The following BAZ2B variants were observed in gnomAD, a reference collection of about 807,000 sequenced individuals.
BAZ2B encodes the protein bromodomain adjacent to zinc finger domain protein 2B.
BAZ2B carries 91 observed loss-of-function variants against 246.0 expected under a neutral mutation model. The ratio of observed to expected loss-of-function variants is 0.37; its 90% CI spans 0.31 to 0.44. The LOEUF is 0.44. BAZ2B is among the 20% of genes least tolerant of loss of function. The probability of loss-of-function intolerance (pLI) is 1.00; values close to 1 mark genes in which losing one functional copy is unlikely to be tolerated. For synonymous variants in BAZ2B, 855 were observed against 860.0 expected (o/e 0.99, Z 0.10); for missense variants, 2,332 against 2,533.7 (o/e 0.92, Z 1.71).
intron 30 of BAZ2B, among the ~76,000 whole-genome samples, 191 bp from the exon 31 acceptor site, chr2:159,347,837 C>T (rs1426693109): frequency 2.0e-5 from 3 of 152,022 alleles, no homozygotes; most frequent in African/African-American, 7.2e-5. Context: ...AAACAATATG[C>T]TACGGGTGTA....
chr2:159,349,108 T>G lies in BAZ2B; in HGVS notation c.5036A>C (p.Glu1679Ala). Residue 1679 changes from glutamate to alanine, a missense_variant, in exon 29 of 37, where the codon GAA (glutamate) becomes GCA (alanine). This residue lies in a region of BAZ2B where 676 missense variants were observed against 668.6 expected (regional missense o/e 1.01). Transcript: ENST00000392783. ...CTTTTCATTCTGTGGTACTGGAGAT[T>G]CACTTTTACTTGAAGCAACATTGGA... Reference protein sequence around the residue: ...LTSNVASSKSESPVPQNEKAT... With the variant: ...LTSNVASSKSASPVPQNEKAT... 1 of 1,614,098 alleles carries G rather than the reference T, an allele frequency of 6.2e-7. No homozygotes were observed.
the BAZ2B span, among the ~76,000 whole-genome samples, chr2:159,657,554 T>G: frequency 6.6e-6 from 1 of 152,192 alleles, no homozygotes; most frequent in Non-Finnish European, 1.5e-5. Flanking sequence ...AGTTGGAAAG[T>G]GCTGACATCT....
chr2:159,696,867 C>A, the BAZ2B span, among the ~76,000 whole-genome samples: 1 of 152,138 alleles, frequency 6.6e-6, no homozygotes, highest in Admixed American at 6.5e-5. Flanking sequence ...CTCACTGCAA[C>A]CTCCACCTCC....
At chr2:159,402,047 T>C (rs1559278747) in intron 16 of BAZ2B, among the ~76,000 whole-genome samples, 1 of 152,220 alleles carries the variant, frequency 6.6e-6, no homozygotes. Context: ...TGCAGGATGA[T>C]GAAATTTTAG....
the BAZ2B span, among the ~76,000 whole-genome samples, chr2:159,690,752 A>G: frequency 1.3e-5 from 2 of 152,182 alleles, no homozygotes; most frequent in Non-Finnish European, 2.9e-5. Flanking sequence ...AAAACCAAGT[A>G]TATATGGCTA....
intron 35 of BAZ2B, among the ~76,000 whole-genome samples, 163 bp from the exon 36 acceptor site, chr2:159,325,117 T>TTATATA (rs1344829292): frequency 2.1e-3 from 7 of 3,398 alleles, no homozygotes; most frequent in African/African-American, 4.6e-3. Context: ...TATATATATT[T>TTATATA]TATATATATA....
chr2:159,416,062 T>C (rs527270654), intron 13 of BAZ2B, among the ~76,000 whole-genome samples: 1 of 152,274 alleles, frequency 6.6e-6, no homozygotes, highest in South Asian at 2.1e-4. Context: ...CTTGATGTTA[T>C]AAAGATGTTC....
the BAZ2B span, among the ~76,000 whole-genome samples, chr2:159,635,284 C>T: frequency 6.6e-6 from 1 of 152,106 alleles, no homozygotes; most frequent in Admixed American, 6.5e-5. Context: ...GTTAATTCTT[C>T]ACTTTTCAGC....
At chr2:159,632,546 A>T in the BAZ2B span, among the ~76,000 whole-genome samples, 1 of 152,230 alleles carries the variant, frequency 6.6e-6, no homozygotes, top group South Asian at 2.1e-4. Flanking sequence ...TGGCAAAGAA[A>T]CACCTATGTA....
chr2:159,599,393 CG>C (rs1691534314), intron 1 of BAZ2B, among the ~76,000 whole-genome samples: 1 of 151,642 alleles, frequency 6.6e-6, no homozygotes, highest in Admixed American at 6.6e-5. Flanking sequence ...CTGAGGCAGG[CG>C]GATTACCTGA....
intron 1 of BAZ2B, among the ~76,000 whole-genome samples, chr2:159,570,801 A>T (rs187347981): frequency 5.8e-4 from 88 of 152,292 alleles, no homozygotes; most frequent in African/African-American, 2.0e-3. Context: ...ATATTCCATA[A>T]GATGCTGTGC....
intron 6 of BAZ2B, chr2:159,444,755 T>C (rs1407113362): frequency 6.6e-6 from 1 of 152,304 alleles, no homozygotes; most frequent in Non-Finnish European, 1.5e-5. Flanking sequence ...GTCACAATAT[T>C]ACAGCTGAGA....
At chr2:159,429,531 T>C (rs2150148352) in intron 10 of BAZ2B, among the ~76,000 whole-genome samples, 1 of 152,232 alleles carries the variant, frequency 6.6e-6, no homozygotes, top group East Asian at 1.9e-4. Flanking sequence ...TTTCCTCTCA[T>C]TTTATTATTA....
At chr2:159,534,579 C>T (rs2085727836) in intron 2 of BAZ2B, among the ~76,000 whole-genome samples, 2 of 151,910 alleles carry the variant, frequency 1.3e-5, no homozygotes, top group South Asian at 4.1e-4. Flanking sequence ...ATCATTATGC[C>T]TCCTGTGACA....
chr2:159,350,831 C>T (rs1468588494), intron 27 of BAZ2B, among the ~76,000 whole-genome samples: 1 of 151,246 alleles, frequency 6.6e-6, no homozygotes, highest in East Asian at 2.0e-4. Context: ...CCTTGGCCTC[C>T]CAAAGTGCAG....
intron 8 of BAZ2B, chr2:159,437,910 C>G (rs2072692878): frequency 6.5e-6 from 1 of 152,946 alleles, no homozygotes; most frequent in South Asian, 1.5e-4. Flanking sequence ...GATTGAGACC[C>G]TGCCTCAAAA....
chr2:159,659,003 T>C, the BAZ2B span, among the ~76,000 whole-genome samples: 11 of 152,180 alleles, frequency 7.2e-5, no homozygotes, highest in African/African-American at 2.7e-4. Flanking sequence ...TGATCTGTAC[T>C]TTCCCTTTCT....
chr2:159,509,581 GA>G (rs1416627102), intron 2 of BAZ2B, among the ~76,000 whole-genome samples: 2 of 152,066 alleles, frequency 1.3e-5, no homozygotes, highest in Non-Finnish European at 2.9e-5. Context: ...CAGTGTAACA[GA>G]ATAAAATCAA....
intron 8 of BAZ2B, among the ~76,000 whole-genome samples, chr2:159,436,494 A>G (rs1431366546): frequency 6.6e-6 from 1 of 152,200 alleles, no homozygotes; most frequent in Non-Finnish European, 1.5e-5. Context: ...CACGCCTGTA[A>G]TCCCAGCACT....
Sources: gnomAD v4.1 joint callset for allele counts (sites outside exome capture counted in the v4.1 genomes callset) on GRCh38, gnomAD v4.1.1 for gene constraint, gnomAD v4.1.1 regional missense constraint, MANE v1.5 for transcripts, NCBI Gene and HGNC (gene_info 2026-07-23, HGNC 2026-07-21) for gene names.